The following VPS35L variants were observed in gnomAD, a reference collection of about 807,000 sequenced individuals.
VPS35L encodes the protein VPS35 endosomal protein sorting factor like.
In VPS35L, 83 loss-of-function variants were observed where a neutral mutation model predicts 133.0. The ratio of observed to expected loss-of-function variants is 0.62; its 90% confidence interval spans 0.52 to 0.75. VPS35L has a LOEUF of 0.75. Ranked by LOEUF, VPS35L falls within the 30% of genes least tolerant of loss-of-function variation. The probability of loss-of-function intolerance (pLI) is 0.00; values close to 1 mark genes in which losing one functional copy is unlikely to be tolerated. For missense variants in VPS35L, 1,083 were observed against 1,206.8 expected (o/e 0.90, Z 1.52); for synonymous variants, 423 against 449.9 (o/e 0.94, Z 0.76).
In VPS35L at chr16:19,623,770, TTATTA is replaced by T. The variant is rs1418097631; in HGVS notation, c.1225-2405_1225-2401del. 5.5e-4 allele frequency among the ~76,000 whole-genome samples: 17 copies of T among 30,938 alleles called. 1 individual carries two copies. Among genetic ancestry groups the T allele is most frequent in the African/African-American group, 1.4e-3 (13 of 9,112 alleles). The allele number at this position is 30,938 out of a possible 152,430, so 20.3% of individuals were successfully genotyped here. On this transcript the variant is annotated intron_variant, in intron 14 of 30. Transcript: ENST00000417362. Reference sequence around the variant, plus strand: ...TTTTTACTTTTTACTTATTTATTTATTATTATTATTATTATTATTATTATTATTAT... The same window carrying T: ...TTTTTACTTTTTACTTATTTATTTATTTATTATTATTATTATTATTATTAT...
intron 3 of VPS35L, among the ~76,000 whole-genome samples, chr16:19,572,242 A>C (rs1971406237): frequency 6.6e-6 from 1 of 152,142 alleles, no homozygotes; most frequent in East Asian, 1.9e-4. Context: ...ACGTGGTGAA[A>C]CACCATCTCT....
chr16:19,562,075 A>G (rs1001665595), intron 1 of VPS35L, among the ~76,000 whole-genome samples: 1 of 152,204 alleles, frequency 6.6e-6, no homozygotes, highest in Non-Finnish European at 1.5e-5. Context: ...ACTGCACTCC[A>G]GTGAGACTCT....
intron 20 of VPS35L, among the ~76,000 whole-genome samples, chr16:19,638,690 A>C (rs1288124649): frequency 2.0e-5 from 3 of 152,244 alleles, no homozygotes; most frequent in African/African-American, 7.2e-5. Context: ...CTGCTAAGTG[A>C]CTAACGAGCA....
intron 12 of VPS35L, chr16:19,611,845 C>T (rs1486840181): frequency 6.6e-6 from 1 of 152,052 alleles, no homozygotes; most frequent in African/African-American, 2.4e-5. Flanking sequence ...CTTGAATACT[C>T]CTCCCAAGTC....
intron 18 of VPS35L, among the ~76,000 whole-genome samples, chr16:19,630,266 A>T (rs557186238): frequency 1.3e-5 from 2 of 151,796 alleles, no homozygotes; most frequent in East Asian, 3.9e-4. Context: ...TTAGAAGAAG[A>T]TAGAAGTGGG....
At chr16:19,691,982 C>G (rs373871609) in intron 29 of VPS35L, among the ~76,000 whole-genome samples, 1 of 151,956 alleles carries the variant, frequency 6.6e-6, no homozygotes, top group African/African-American at 2.4e-5. Flanking sequence ...TCAGGCGATT[C>G]TCCTGCCTCA....
chr16:19,578,799 A>C (rs1364034086), intron 5 of VPS35L: 1 of 514,556 alleles, frequency 1.9e-6, no homozygotes, highest in East Asian at 3.4e-5. Context: ...AAAGTTTGTA[A>C]ATCTCAAATG....
At chr16:19,683,339 T>G (rs973069809) in intron 28 of VPS35L, among the ~76,000 whole-genome samples, 8 of 152,188 alleles carry the variant, frequency 5.3e-5, no homozygotes, top group Non-Finnish European at 1.2e-4. Context: ...TATTTTAGAT[T>G]TAGGAGGTAT....
intron 6 of VPS35L, among the ~76,000 whole-genome samples, chr16:19,581,139 G>A (rs923326607): frequency 1.3e-5 from 2 of 152,002 alleles, no homozygotes; most frequent in South Asian, 2.1e-4. Flanking sequence ...TTTGTATCTC[G>A]ATCATCTAGT....
chr16:19,639,204 A>G lies in VPS35L; in HGVS notation c.1699-811A>G, dbSNP rs1048347752. Among the ~76,000 whole-genome samples, 5 of 152,252 alleles carry G rather than the reference A, an allele frequency of 3.3e-5. No individual in the cohort carries two copies. The highest frequency in any genetic ancestry group is 3.3e-4 in the Admixed American group (5 of 15,286). On this transcript the variant is annotated intron_variant, in intron 20 of 30. Transcript: ENST00000417362. This position sits in a 1 kb window ranked among gnomAD's most constrained non-coding sequence, Gnocchi z 4.1. The stretch of plus-strand genomic sequence containing the variant: ...CACTATGGAAAGCAAAACCGCAGAT[A>G]AGGGAGCAACTACCATATTCCCACT...
chr16:19,645,592 T>A (rs2151581776), intron 23 of VPS35L, among the ~76,000 whole-genome samples: 1 of 151,990 alleles, frequency 6.6e-6, no homozygotes, highest in African/African-American at 2.4e-5. Flanking sequence ...CCCAGCCCCC[T>A]GTCTGTCTTT....
At chr16:19,589,285 C>G (rs1971967054) in intron 7 of VPS35L, among the ~76,000 whole-genome samples, 1 of 152,130 alleles carries the variant, frequency 6.6e-6, no homozygotes, top group African/African-American at 2.4e-5. Flanking sequence ...GCTCTGTCTT[C>G]CAGACTGGAG....
chr16:19,697,847 AG>A (rs1975970506), intron 29 of VPS35L, among the ~76,000 whole-genome samples: 1 of 152,226 alleles, frequency 6.6e-6, no homozygotes, highest in South Asian at 2.1e-4. Flanking sequence ...GTACGAGCAC[AG>A]GCTCTGGAGT....
chr16:19,651,933 C>T, intron 25 of VPS35L, 43 bp from the exon 26 acceptor site: 1 of 1,359,044 alleles, frequency 7.4e-7, no homozygotes, highest in Non-Finnish European at 1.0e-6. Context: ...ATGATTCTGC[C>T]ACCGTTGCAC....
At chr16:19,586,734 TGAA>T (rs1403330343) in intron 7 of VPS35L, among the ~76,000 whole-genome samples, 13 of 152,224 alleles carry the variant, frequency 8.5e-5, no homozygotes, top group Admixed American at 4.6e-4. Context: ...CTCAAGGTCA[TGAA>T]GATTTTTTTG....
chr16:19,603,349 CA>C (rs1972445676), intron 9 of VPS35L, among the ~76,000 whole-genome samples: 1 of 151,988 alleles, frequency 6.6e-6, no homozygotes, highest in African/African-American at 2.4e-5. Context: ...GTGGCCAGTC[CA>C]AATTGAGATG....
intron 26 of VPS35L, among the ~76,000 whole-genome samples, chr16:19,661,820 C>T (rs1256536211): frequency 2.0e-5 from 3 of 152,138 alleles, no homozygotes; most frequent in Non-Finnish European, 4.4e-5. Context: ...TATTAAGAGT[C>T]CATGCAGTGT....
intron 27 of VPS35L, among the ~76,000 whole-genome samples, chr16:19,680,914 G>C (rs140803449): frequency 2.8e-4 from 38 of 134,660 alleles, no homozygotes; most frequent in Non-Finnish European, 3.3e-4. Context: ...CTCAGAACCC[G>C]CCCCCCCCCT....
intron 7 of VPS35L, among the ~76,000 whole-genome samples, chr16:19,588,106 A>ACATTGTTT (rs1971928893): frequency 6.7e-6 from 1 of 149,914 alleles, no homozygotes; most frequent in Non-Finnish European, 1.5e-5. Flanking sequence ...GGCCAGTTCC[A>ACATTGTTT]CATTGTTTTG....
Sources: gnomAD v4.1 joint callset for allele counts (sites outside exome capture counted in the v4.1 genomes callset) on GRCh38, gnomAD v4.1.1 for gene constraint, Gnocchi (gnomAD v3.1) non-coding constraint, MANE v1.5 for transcripts, NCBI Gene and HGNC (gene_info 2026-07-23, HGNC 2026-07-21) for gene names.